The following NRF1 variants were observed in gnomAD, a reference collection of about 807,000 sequenced individuals.
The protein encoded by NRF1 is nuclear respiratory factor 1.
In NRF1, 5 loss-of-function variants were observed where a neutral mutation model predicts 58.5. The ratio of observed to expected loss-of-function variants is 0.09; its 90% confidence interval spans 0.04 to 0.18. The LOEUF is 0.18. Ranked by LOEUF, NRF1 falls within the 10% of genes least tolerant of loss-of-function variation. The pLI is 1.00. For missense variants in NRF1, 288 were observed against 657.7 expected (o/e 0.44, Z 6.15); for synonymous variants, 224 against 246.7 (o/e 0.91, Z 0.86).
chr7:129,652,288 G>A (rs768105430), intron 1 of NRF1, among the ~76,000 whole-genome samples: 1 of 152,182 alleles, frequency 6.6e-6, no homozygotes, highest in Non-Finnish European at 1.5e-5. Flanking sequence ...CTCCAGATGT[G>A]TAGTGCTGTA....
chr7:129,688,046 C>G (rs549342800), intron 4 of NRF1, among the ~76,000 whole-genome samples: 2 of 152,318 alleles, frequency 1.3e-5, no homozygotes, highest in South Asian at 4.1e-4. Flanking sequence ...TTGTTTGAAA[C>G]TGGCTAATAA....
At chr7:129,694,026 A>C (rs892590439) in intron 5 of NRF1, among the ~76,000 whole-genome samples, 1 of 152,178 alleles carries the variant, frequency 6.6e-6, no homozygotes, top group Non-Finnish European at 1.5e-5. Flanking sequence ...ATTTGTCAAA[A>C]CCACACTCAG....
chr7:129,685,221 C>T (rs1158640149), intron 4 of NRF1, among the ~76,000 whole-genome samples: 9 of 152,066 alleles, frequency 5.9e-5, no homozygotes, highest in Non-Finnish European at 1.3e-4. Flanking sequence ...ACTATTTTTG[C>T]AACCCAACTG....
chr7:129,748,132 G>C (rs188276636), intron 10 of NRF1, among the ~76,000 whole-genome samples: 1 of 151,708 alleles, frequency 6.6e-6, no homozygotes. Context: ...AAAATTAGCC[G>C]GGCGTGGTGG....
chr7:129,692,414 A>G (rs140538570), intron 5 of NRF1, among the ~76,000 whole-genome samples: 2 of 152,082 alleles, frequency 1.3e-5, no homozygotes, highest in African/African-American at 2.4e-5. Flanking sequence ...AGCTGGGGCC[A>G]TGGTGGTGTA....
chr7:129,710,869 C>G (rs1293142045), intron 7 of NRF1, among the ~76,000 whole-genome samples: 1 of 152,012 alleles, frequency 6.6e-6, no homozygotes, highest in East Asian at 1.9e-4. Flanking sequence ...CCTCAACCTC[C>G]CGGGCTCAAG....
At chr7:129,656,185 T>C (rs2151075112) in intron 1 of NRF1, among the ~76,000 whole-genome samples, 1 of 152,260 alleles carries the variant, frequency 6.6e-6, no homozygotes, top group South Asian at 2.1e-4. Flanking sequence ...ACTGCATTGA[T>C]GTTTAGTTTA....
chr7:129,617,902 C>T (rs930812329), intron 1 of NRF1, among the ~76,000 whole-genome samples: 18 of 152,072 alleles, frequency 1.2e-4, no homozygotes, highest in African/African-American at 4.8e-5. Flanking sequence ...GGATTTTGCT[C>T]GACTTGGAGA....
intron 10 of NRF1, among the ~76,000 whole-genome samples, chr7:129,748,034 G>C (rs1425865476): frequency 1.3e-5 from 2 of 151,970 alleles, no homozygotes; most frequent in Non-Finnish European, 2.9e-5. Flanking sequence ...CCAGCACTTT[G>C]GGAGGCCGAG....
chr7:129,642,756 A>AC lies in NRF1; in HGVS notation c.-6-14590_-6-14589insC, dbSNP rs1562957544. 4.3e-4 allele frequency among the ~76,000 whole-genome samples: 56 copies of AC among 131,716 alleles called. 1 individual carries two copies. Among genetic ancestry groups the AC allele is most frequent in the Middle Eastern group, 3.7e-3 (1 of 270 alleles). 86.4% of individuals were successfully genotyped at this position (131,716 alleles called of 152,430 possible). ...TTCTAAAAGAATACATTCTTTAAAA[A>AC]ATTTTTTTTTTTTTTTTTTTAAATG... is the stretch of plus-strand genomic sequence containing the variant. On this transcript the variant is annotated intron_variant, in intron 1 of 10. Coordinates refer to ENST00000393232, the MANE Select transcript of NRF1 (RefSeq NM_005011.5).
intron 10 of NRF1, among the ~76,000 whole-genome samples, chr7:129,749,643 G>C (rs1804066371): frequency 6.6e-6 from 1 of 152,072 alleles, no homozygotes; most frequent in Non-Finnish European, 1.5e-5. Context: ...AAGAAAAGCA[G>C]CAGGGGGCCC....
intron 1 of NRF1, among the ~76,000 whole-genome samples, chr7:129,619,486 G>GTATATATATATATA (rs1287050843): frequency 1.2e-4 from 4 of 32,320 alleles, no homozygotes; most frequent in Non-Finnish European, 2.0e-4. Flanking sequence ...GTGTGTGTGT[G>GTATATATATATATA]TGTGTATATA....
intron 1 of NRF1, among the ~76,000 whole-genome samples, chr7:129,645,352 C>T (rs1801381437): frequency 6.6e-6 from 1 of 152,312 alleles, no homozygotes; most frequent in Admixed American, 6.5e-5. Flanking sequence ...GTTTGTACCA[C>T]CCCGCCGGAG....
intron 1 of NRF1, among the ~76,000 whole-genome samples, chr7:129,619,433 T>TATATATATATACAC (rs1554401492): frequency 1.5e-5 from 1 of 65,874 alleles, no homozygotes; most frequent in African/African-American, 8.2e-5. Context: ...TATATATATA[T>TATATATATATACAC]ACACACACAC....
At chr7:129,641,292 A>T (rs990326672) in intron 1 of NRF1, among the ~76,000 whole-genome samples, 1 of 152,176 alleles carries the variant, frequency 6.6e-6, no homozygotes, top group African/African-American at 2.4e-5. Flanking sequence ...AAAGTCATTT[A>T]TTAATTATCT....
rs1219856788 is a variant in NRF1, at chr7:129,638,146, T to C, written c.-6-19200T>C. Among the ~76,000 whole-genome samples, 3 of 151,960 alleles carry C rather than the reference T, an allele frequency of 2.0e-5. No homozygotes were observed. The East Asian group carries it at 5.8e-4, about 29-fold the overall frequency. Reference sequence around the variant, plus strand: ...CACTCTTTTTGGGGGTTGTGATATGTGGTGTTTTTTTCTGGTTGCTTCCTT... The same window carrying C: ...CACTCTTTTTGGGGGTTGTGATATGCGGTGTTTTTTTCTGGTTGCTTCCTT... On this transcript the variant is annotated intron_variant, in intron 1 of 10. Coordinates refer to ENST00000393232, the MANE Select transcript of NRF1 (RefSeq NM_005011.5).
At chr7:129,745,908 T>C (rs1347851667) in intron 10 of NRF1, among the ~76,000 whole-genome samples, 3 of 152,206 alleles carry the variant, frequency 2.0e-5, no homozygotes, top group African/African-American at 7.2e-5. Context: ...CATGAAAAGC[T>C]TCCTGGTGGT....
At chr7:129,677,550 C>T in intron 3 of NRF1, 82 bp from the exon 4 acceptor site, 1 of 1,290,430 alleles carries the variant, frequency 7.7e-7, no homozygotes, top group Non-Finnish European at 1.1e-6. Flanking sequence ...TCAGAATAAA[C>T]TGTCTTACCT....
intron 10 of NRF1, among the ~76,000 whole-genome samples, chr7:129,732,928 G>A (rs1400767969): frequency 1.3e-5 from 2 of 151,772 alleles, no homozygotes; most frequent in African/African-American, 4.8e-5. Flanking sequence ...AAAATTAGCC[G>A]GGCATGGTGG....
Sources: gnomAD v4.1 joint callset for allele counts (sites outside exome capture counted in the v4.1 genomes callset) on GRCh38, gnomAD v4.1.1 for gene constraint, MANE v1.5 for transcripts, NCBI Gene and HGNC (gene_info 2026-07-23, HGNC 2026-07-21) for gene names.